TELO2: variants seen among roughly 807,000 people sequenced by gnomAD.
TELO2 encodes telomere length regulation protein TEL2 homolog.
A neutral mutation model predicts 91.0 loss-of-function variants in TELO2; 71 were observed. The observed-to-expected ratio is 0.78, with a 90% CI of 0.64 to 0.95. The LOEUF is 0.95. Among genes scored for constraint, TELO2 ranks in the 40% least tolerant of loss-of-function variants. The pLI is 0.00. For synonymous variants in TELO2, 584 were observed against 518.9 expected (o/e 1.13, Z -1.71); for missense variants, 1,183 against 1,141.3 (o/e 1.04, Z -0.53).
Position 1,495,379 on chromosome 16 carries a change from G to T in TELO2, c.369G>T (p.Leu123=). The T allele has an allele frequency of 6.4e-7, 1 of 1,566,720 alleles. No homozygotes were observed. The highest frequency in any genetic ancestry group is 8.6e-7 in the Non-Finnish European group (1 of 1,156,396). ...TCCGGCTGATGAAGATGGCGCGGCT[G>T]CTGGCCAGATTCCTGCGCGAGGGCC... ...PSFRLMKMAR[L]LARFLREGRL... is the part of the protein sequence containing the mutation. The change falls in exon 3 of 21, where the codon CTG becomes CTT. Residue 123 remains leucine, a synonymous_variant. Transcript: ENST00000262319.
In TELO2 at chr16:1,510,220, AC is replaced by A; in HGVS notation, c.*286del. The A allele has an allele frequency of 4.4e-6, 2 of 451,300 alleles. No individual in the cohort carries two copies. The highest frequency in any genetic ancestry group is 8.2e-6 in the Non-Finnish European group (2 of 244,352). The allele number at this position is 451,300 out of a possible 1,614,324, so 28.0% of individuals were successfully genotyped here. A position where few individuals can be genotyped will look rare whatever the true frequency, so the allele number is the denominator to read the frequency against. On this transcript the variant is annotated 3_prime_UTR_variant, in exon 21 of 21. Transcript: ENST00000262319. ...GGTTGACTCTTCCAGTGAGGGCAGA[AC>A]CAGGCTGGCAGGAGGGGAGGACGGT...
chr16:1,500,000 C>T, intron 6 of TELO2, 96 bp from the exon 7 acceptor site: 2 of 1,399,972 alleles, frequency 1.4e-6, no homozygotes, highest in Admixed American at 2.2e-5. Context: ...TGCCCTCAGT[C>T]TGGTCCCAGT....
In TELO2 at chr16:1,494,804, G is replaced by C. The variant is rs1306659606; in HGVS notation, c.335+188G>C. ...CTTTGCGACGGGAGGCACCTGCTGTGTCTCACAAAGTCCCCCACTTGCTCC... is the reference window on the plus strand; with the variant it reads ...CTTTGCGACGGGAGGCACCTGCTGTCTCTCACAAAGTCCCCCACTTGCTCC... On this transcript the variant is annotated intron_variant, in intron 2 of 20. Coordinates refer to ENST00000262319, the MANE Select transcript of TELO2 (RefSeq NM_016111.4). This position sits in a 1 kb window ranked among gnomAD's most constrained non-coding sequence, Gnocchi z 5.6. Among the ~76,000 whole-genome samples, 1 of 152,200 alleles carries C rather than the reference G, an allele frequency of 6.6e-6. No individual in the cohort carries two copies.
intron 6 of TELO2, 80 bp downstream of exon 6, chr16:1,499,413 T>A: frequency 6.7e-7 from 1 of 1,498,690 alleles, no homozygotes; most frequent in South Asian, 1.1e-5. Context: ...GTCGGAGCGG[T>A]GTCTGCTGCC....
rs143035870 is a variant in TELO2, at chr16:1,505,678, C to T, written c.2034+77C>T. On this transcript the variant is annotated intron_variant, in intron 16 of 20. Coordinates refer to ENST00000262319, the MANE Select transcript of TELO2 (RefSeq NM_016111.4). This position sits in a 1 kb window ranked among gnomAD's most constrained non-coding sequence, Gnocchi z 4.3. ...GGAAGGGCGGTCAGACACCTCCAGG[C>T]GCTGTCTGCAGCGAGGGGCGGCCAC... The T allele has an allele frequency of 6.1e-4, 922 of 1,500,020 alleles. 3 individuals carry two copies. In the African/African-American group the frequency reaches 0.012, roughly 19 times the overall value. The allele number at this position is 1,500,020 out of a possible 1,614,324, so 92.9% of individuals were successfully genotyped here.
intron 12 of TELO2, 70 bp from the exon 13 acceptor site, chr16:1,502,243 C>T (rs997344544): frequency 1.5e-5 from 23 of 1,566,760 alleles, no homozygotes; most frequent in African/African-American, 4.1e-5. Context: ...GGGTGCCGCC[C>T]GTGCTGCTGG....
chr16:1,499,494 G>T (rs1236228205), intron 6 of TELO2, among the ~76,000 whole-genome samples, 161 bp downstream of exon 6: 1 of 151,910 alleles, frequency 6.6e-6, no homozygotes, highest in Non-Finnish European at 1.5e-5. Flanking sequence ...TCCCTGCCCT[G>T]ATGACAGGCC....
chr16:1,495,768 C>A, intron 3 of TELO2, 145 bp downstream of exon 3: 1 of 1,197,166 alleles, frequency 8.4e-7, no homozygotes, highest in South Asian at 1.6e-5. Flanking sequence ...CTGTCCCGCA[C>A]AGTAGTGACC....
chr16:1,504,686 T>G (rs1206964025), intron 15 of TELO2, among the ~76,000 whole-genome samples: 1 of 148,564 alleles, frequency 6.7e-6, no homozygotes, highest in Non-Finnish European at 1.5e-5. Flanking sequence ...GCCTCCCGAG[T>G]AGCTGGGACT....
Position 1,494,255 on chromosome 16 carries a change from C to T in TELO2, c.-27C>T. ...TGTGTCCATGTCACAGGTCGTCTTC[C>T]CGTGACGCCCAGATCTGTCCTGCAG... On this transcript the variant is annotated 5_prime_UTR_variant, in exon 2 of 21. Coordinates refer to ENST00000262319, the MANE Select transcript of TELO2 (RefSeq NM_016111.4). This position sits in a 1 kb window ranked among gnomAD's most constrained non-coding sequence, Gnocchi z 5.6. The T allele has an allele frequency of 6.3e-7, 1 of 1,593,012 alleles. No individual in the cohort carries two copies. Among genetic ancestry groups the T allele is most frequent in the Non-Finnish European group, 8.6e-7 (1 of 1,165,010 alleles).
At position 1,501,450 on chromosome 16, in the gene TELO2, C is replaced by T. The variant is rs146292325; in HGVS notation, c.1312C>T (p.Leu438=). The change falls in exon 10 of 21, where the codon CTG becomes TTG. Residue 438 remains leucine (L), a synonymous_variant. Transcript: ENST00000262319. ...AGAGGATGAACTGAGCCTCGAGCTG[C>T]TGGCCTTGGCCTCCCCCCAGCCTGC... ...YEEDELSLEL[L]ALASPQPAGD... 9.3e-6 allele frequency: 15 copies of T among 1,612,126 alleles called. No homozygotes were observed. In the African/African-American group the frequency reaches 1.7e-4, roughly 19 times the overall value.
In TELO2 at chr16:1,500,434, G is replaced by A. The variant is rs1424218563; in HGVS notation, c.1090G>A (p.Val364Ile). ...GCAGCAGCGCCACGTCAGCAAGGCT[G>A]TCCTCATCTGCCTGGCGCAACTCGG... ...LPQQRHVSKA[V>I]LICLAQLGEP... The change falls in exon 8 of 21, where the codon GTC becomes ATC. Residue 364 changes from valine (V) to isoleucine (I), a missense_variant. Val to Ile is a conservative substitution (Grantham distance 29). Transcript: ENST00000262319. 1 of 1,608,936 alleles carries A rather than the reference G, an allele frequency of 6.2e-7. No individual in the cohort carries two copies. Among genetic ancestry groups the A allele is most frequent in the Non-Finnish European group, 8.5e-7 (1 of 1,178,742 alleles).
In TELO2 at chr16:1,502,646, T is replaced by G; in HGVS notation, c.1655T>G (p.Val552Gly). The G allele has an allele frequency of 6.2e-7, 1 of 1,611,078 alleles. No homozygotes were observed. Among genetic ancestry groups the G allele is most frequent in the Non-Finnish European group, 8.5e-7 (1 of 1,179,778 alleles). The change falls in exon 14 of 21, where the codon GTG (valine) becomes GGG (glycine). Residue 552 changes from valine (V) to glycine (G), a missense_variant and splice_region_variant. Physicochemically the swap from Val to Gly is moderately radical, Grantham distance 109 (BLOSUM62 -3). Coordinates refer to ENST00000262319, the MANE Select transcript of TELO2 (RefSeq NM_016111.4). ...VYRSPTATRE[V>G]SVELAKVLLH... is the part of the protein sequence containing the mutation. ...CCCAGCCCTAACCCCTGCGTGCAGG[T>G]GAGCGTGGAGCTGGCCAAGGTGCTT...
Position 1,507,606 on chromosome 16 carries a change from T to C in TELO2, c.2297T>C (p.Val766Ala). ...WALRFHIDAY[V>A]RQGLLSAVSS... Reference sequence around the variant, plus strand: ...CCCCGCCTTCTTGCCGGCAGCTACGTGCGCCAGGGGCTGTTGTCGGCCGTC... The same window carrying C: ...CCCCGCCTTCTTGCCGGCAGCTACGCGCGCCAGGGGCTGTTGTCGGCCGTC... Residue 766 changes from valine to alanine, a missense_variant, in exon 20 of 21, where the codon GTG becomes GCG. By Grantham distance (64) the Val-to-Ala change is moderately conservative (BLOSUM62 0). Transcript: ENST00000262319. 6.3e-7 allele frequency: 1 copy of C among 1,588,962 alleles called. No homozygotes were observed. The highest frequency in any genetic ancestry group is 8.5e-7 in the Non-Finnish European group (1 of 1,174,850).
rs183510270 is a variant in TELO2, at chr16:1,497,667, G to A, written c.830+159G>A. On this transcript the variant is annotated intron_variant, in intron 5 of 20. Coordinates refer to ENST00000262319, the MANE Select transcript of TELO2 (RefSeq NM_016111.4). This position sits in a 1 kb window ranked among gnomAD's most constrained non-coding sequence, Gnocchi z 4.0. Reference sequence around the variant, plus strand: ...GGTGGTGCCCTCTCAGTTCCCGCACGTGCTGATGGTGACCTCTGTATCAGA... The same window carrying A: ...GGTGGTGCCCTCTCAGTTCCCGCACATGCTGATGGTGACCTCTGTATCAGA... Among the ~76,000 whole-genome samples, 26 of 152,326 alleles carry A rather than the reference G, an allele frequency of 1.7e-4. No homozygotes were observed. The highest frequency in any genetic ancestry group is 6.3e-4 in the African/African-American group (26 of 41,574).
intron 20 of TELO2, 140 bp from the exon 21 acceptor site, chr16:1,509,690 C>T (rs1217689226): frequency 4.0e-5 from 29 of 726,036 alleles, no homozygotes; most frequent in Non-Finnish European, 6.2e-5. Flanking sequence ...TGGGGAGAGT[C>T]CGGGGTCACT....
intron 3 of TELO2, among the ~76,000 whole-genome samples, chr16:1,495,873 C>T (rs1033046175): frequency 6.6e-6 from 1 of 152,224 alleles, no homozygotes. Flanking sequence ...CCCAACTGTG[C>T]TGTGGTGGCC....
chr16:1,506,586 G>C (rs377731098), intron 17 of TELO2: 3 of 1,404,904 alleles, frequency 2.1e-6, no homozygotes, highest in Non-Finnish European at 2.8e-6. Flanking sequence ...CCGCCCGCAC[G>C]TGCCCGACGC....
At position 1,500,719 on chromosome 16, in the gene TELO2, C is replaced by A. The variant is rs201586497; in HGVS notation, c.1281+20C>A. 22 of 1,610,538 alleles carry A rather than the reference C, an allele frequency of 1.4e-5. No homozygotes were observed. In the African/African-American group the frequency reaches 2.9e-4, roughly 22 times the overall value. On this transcript the variant is annotated intron_variant, in intron 9 of 20. Coordinates refer to ENST00000262319, the MANE Select transcript of TELO2 (RefSeq NM_016111.4). ...TTCCAGGTGAGCGGGCCGTCCCCTC[C>A]GCGTCCCCGTGTGGCTGGCCCGGGT...
Sources: gnomAD v4.1 joint callset for allele counts (sites outside exome capture counted in the v4.1 genomes callset) on GRCh38, gnomAD v4.1.1 for gene constraint, Gnocchi (gnomAD v3.1) non-coding constraint, MANE v1.5 for transcripts, NCBI Gene and HGNC (gene_info 2026-07-23, HGNC 2026-07-21) for gene names.